ARHGAP39: variants seen among roughly 807,000 people sequenced by gnomAD.
ARHGAP39 encodes the protein rho GTPase-activating protein 39.
In ARHGAP39, 44 loss-of-function variants were observed where a neutral mutation model predicts 106.9. That is an observed-to-expected ratio of 0.41 (90% CI 0.32 to 0.53). The LOEUF (loss-of-function observed/expected upper bound fraction) is 0.53. Ranked by LOEUF, ARHGAP39 falls within the 20% of genes least tolerant of loss-of-function variation. The pLI, the probability that ARHGAP39 is intolerant of heterozygous loss-of-function variation, is 0.21. For synonymous variants in ARHGAP39, 768 were observed against 693.2 expected (o/e 1.11, Z -1.69); for missense variants, 1,496 against 1,577.3 (o/e 0.95, Z 0.87).
In ARHGAP39 at chr8:144,604,007, T is replaced by G. The variant is rs1820184735; in HGVS notation, c.80+1528A>C. Among the ~76,000 whole-genome samples, 1 of 152,120 alleles carries G rather than the reference T, an allele frequency of 6.6e-6. No individual in the cohort carries two copies. The highest frequency in any genetic ancestry group is 1.5e-5 in the Non-Finnish European group (1 of 68,008). On this transcript the variant is annotated intron_variant, in intron 2 of 11. Coordinates refer to ENST00000377307, the MANE Select transcript of ARHGAP39 (RefSeq NM_025251.3). The surrounding 1 kb of genome is among the most constrained non-coding windows in gnomAD (Gnocchi z 4.1). Reference sequence around the variant, plus strand: ...AACCCAACGGAGCTCACAGCCCACATCAGCGAACAAACGAATGAAGAACGA... The same window carrying G: ...AACCCAACGGAGCTCACAGCCCACAGCAGCGAACAAACGAATGAAGAACGA...
intron 2 of ARHGAP39, among the ~76,000 whole-genome samples, chr8:144,587,572 C>T (rs922155171): frequency 2.2e-4 from 34 of 151,608 alleles, no homozygotes; most frequent in Admixed American, 2.6e-4. Context: ...CAGCATGGGA[C>T]GGGGCCTGGG....
At chr8:144,561,550 C>T (rs1347536245) in intron 3 of ARHGAP39, among the ~76,000 whole-genome samples, 1 of 146,568 alleles carries the variant, frequency 6.8e-6, no homozygotes, top group Non-Finnish European at 1.6e-5. Flanking sequence ...CATCACACTC[C>T]AGTGGTTTCG....
At chr8:144,577,417 G>C (rs1017413551) in intron 3 of ARHGAP39, among the ~76,000 whole-genome samples, 1 of 152,146 alleles carries the variant, frequency 6.6e-6, no homozygotes, top group African/African-American at 2.4e-5. Context: ...AACACAAGGA[G>C]TATCAAGGAA....
rs185557838 is a variant in ARHGAP39, at chr8:144,549,466, T to C, written c.597-977A>G. 2.0e-5 allele frequency among the ~76,000 whole-genome samples: 3 copies of C among 152,334 alleles called. No individual in the cohort carries two copies. In the East Asian group the frequency reaches 5.8e-4, roughly 29 times the overall value. ...CTCTCTTCTCTTCTGGAAATCTAAT[T>C]GCAGTCTTTCTTACTGTACACCACG... On this transcript the variant is annotated intron_variant, in intron 4 of 11. Coordinates refer to ENST00000377307, the MANE Select transcript of ARHGAP39 (RefSeq NM_025251.3).
At chr8:144,615,959 C>T (rs1205834124) in intron 1 of ARHGAP39, among the ~76,000 whole-genome samples, 2 of 152,218 alleles carry the variant, frequency 1.3e-5, no homozygotes, top group African/African-American at 4.8e-5. Context: ...AGCCCATCAG[C>T]AAGCCATGGA....
In ARHGAP39 at chr8:144,534,123, C is replaced by T. The variant is rs1404493542; in HGVS notation, c.2688+6G>A. 6.2e-7 allele frequency: 1 copy of T among 1,612,688 alleles called. No individual in the cohort carries two copies. The highest frequency in any genetic ancestry group is 8.5e-7 in the Non-Finnish European group (1 of 1,179,660). Reference sequence around the variant, plus strand: ...GCCCTCCCCGGCCCCCCAGGCGCACCCGTACCTTCTTGGCCCCGGTCAGGG... The same window carrying T: ...GCCCTCCCCGGCCCCCCAGGCGCACTCGTACCTTCTTGGCCCCGGTCAGGG... On this transcript the variant is annotated splice_donor_region_variant and intron_variant, in intron 8 of 11. Coordinates refer to ENST00000377307, the MANE Select transcript of ARHGAP39 (RefSeq NM_025251.3).
intron 1 of ARHGAP39, among the ~76,000 whole-genome samples, chr8:144,662,760 C>T (rs924239954): frequency 2.0e-5 from 3 of 150,842 alleles, no homozygotes; most frequent in Non-Finnish European, 4.4e-5. Context: ...CCCTCCTCCC[C>T]ATTATCCACC....
intron 1 of ARHGAP39, among the ~76,000 whole-genome samples, chr8:144,674,060 T>C (rs146824879): frequency 4.1e-4 from 62 of 152,032 alleles, no homozygotes; most frequent in African/African-American, 1.3e-3. Context: ...GAGGAGACCC[T>C]AGGTCTGGGC....
At chr8:144,692,724 G>C in the ARHGAP39 span, among the ~76,000 whole-genome samples, 1 of 143,084 alleles carries the variant, frequency 7.0e-6, no homozygotes, top group South Asian at 2.3e-4. Flanking sequence ...ACTAGGAAGA[G>C]AAGAAAATGT....
rs1822083036 is a variant in ARHGAP39, at chr8:144,670,814, T to C, written c.-82+14872A>G. On this transcript the variant is annotated intron_variant, in intron 1 of 11. Coordinates refer to ENST00000377307, the MANE Select transcript of ARHGAP39 (RefSeq NM_025251.3). This position sits in a 1 kb window ranked among gnomAD's most constrained non-coding sequence, Gnocchi z 4.4. ...CGCAGCTGCCAACTGTGTGTATCTGTTTCCTGCACTAGACTCTGAGCTTCA... is the reference window on the plus strand; with the variant it reads ...CGCAGCTGCCAACTGTGTGTATCTGCTTCCTGCACTAGACTCTGAGCTTCA... Among the ~76,000 whole-genome samples, 1 of 152,148 alleles carries C rather than the reference T, an allele frequency of 6.6e-6. No individual in the cohort carries two copies. Among genetic ancestry groups the C allele is most frequent in the South Asian group, 2.1e-4 (1 of 4,824 alleles).
At position 144,547,730 on chromosome 8, in the gene ARHGAP39, C is replaced by A; in HGVS notation, c.1356G>T (p.Glu452Asp). The A allele has an allele frequency of 6.3e-7, 1 of 1,596,346 alleles. No homozygotes were observed. ...GVKSGDYSTMEGPELRHSQPP... is the reference protein window; with the variant it reads ...GVKSGDYSTMDGPELRHSQPP... ...GCTGGCTGTGCCGCAGCTCAGGTCC[C>A]TCCATGGTGCTGTAGTCTCCGGACT... Residue 452 changes from glutamate to aspartate, a missense_variant, in exon 5 of 12, where the codon GAG (glutamate) becomes GAT (aspartate). Glu to Asp is a conservative substitution (Grantham distance 45). Transcript: ENST00000377307. This position sits in a 1 kb window ranked among gnomAD's most constrained non-coding sequence, Gnocchi z 5.2.
chr8:144,568,237 G>C (rs1050910355), intron 3 of ARHGAP39, among the ~76,000 whole-genome samples: 1 of 148,578 alleles, frequency 6.7e-6, no homozygotes, highest in African/African-American at 2.5e-5. Flanking sequence ...GGGAGGCTAA[G>C]GCAGGAGAAT....
At chr8:144,580,602 T>A (rs1818934879) in intron 3 of ARHGAP39, among the ~76,000 whole-genome samples, 1 of 144,932 alleles carries the variant, frequency 6.9e-6, no homozygotes, top group Admixed American at 6.8e-5. Flanking sequence ...CTGCCCACCA[T>A]ACCTGACCTA....
At position 144,591,864 on chromosome 8, in the gene ARHGAP39, G is replaced by GAC. The variant is rs1819414088; in HGVS notation, c.81-10588_81-10587insGT. 1.3e-5 allele frequency among the ~76,000 whole-genome samples: 2 copies of GAC among 152,172 alleles called. No individual in the cohort carries two copies. The highest frequency in any genetic ancestry group is 2.9e-5 in the Non-Finnish European group (2 of 67,972). On this transcript the variant is annotated intron_variant, in intron 2 of 11. Transcript: ENST00000377307. The surrounding 1 kb of genome is among the most constrained non-coding windows in gnomAD (Gnocchi z 5.3). ...GCGGCTTCCCCTGGATGGCGGCGTC[G>GAC]CCTCGTCGCCTCGTGCCTGCGGGGA...
intron 2 of ARHGAP39, among the ~76,000 whole-genome samples, chr8:144,601,595 T>C (rs563091924): frequency 2.4e-3 from 333 of 137,598 alleles, no homozygotes; most frequent in Non-Finnish European, 4.0e-3. Context: ...GAGGTGTGTG[T>C]GCGAGCTCAT....
rs188678074 is a variant in ARHGAP39 at position 144,676,823 on chromosome 8, G to A, written c.-82+8863C>T. 6.9e-4 allele frequency among the ~76,000 whole-genome samples: 105 copies of A among 152,384 alleles called. 1 individual carries two copies. The highest frequency in any genetic ancestry group is 2.4e-3 in the African/African-American group (98 of 41,600). On this transcript the variant is annotated intron_variant, in intron 1 of 11. Transcript: ENST00000377307. ...AGCCCCAGAGAGAGGCCCCCACAGC[G>A]CAGCAGCTGGCTGAAGGGCTCCTCC...
At chr8:144,674,769 C>T (rs1453418136) in intron 1 of ARHGAP39, among the ~76,000 whole-genome samples, 1 of 152,194 alleles carries the variant, frequency 6.6e-6, no homozygotes, top group Non-Finnish European at 1.5e-5. Context: ...TGTGCTCGCT[C>T]GTCGGCACCC....
intron 1 of ARHGAP39, among the ~76,000 whole-genome samples, chr8:144,663,995 T>A (rs778777653): frequency 2.6e-5 from 4 of 152,062 alleles, no homozygotes; most frequent in Non-Finnish European, 5.9e-5. Context: ...GGTGAAAGCC[T>A]GTCGCTACGA....
In ARHGAP39 at chr8:144,679,837, G is replaced by A. The variant is rs923523287; in HGVS notation, c.-82+5849C>T. ...CTACTAAAAACACAAAAAATTAGCC[G>A]GGCATGGTGGTAGGCACCTGTAGTC... On this transcript the variant is annotated intron_variant, in intron 1 of 11. Transcript: ENST00000377307. The surrounding 1 kb of genome is among the most constrained non-coding windows in gnomAD (Gnocchi z 4.7). Among the ~76,000 whole-genome samples, 3 of 152,236 alleles carry A rather than the reference G, an allele frequency of 2.0e-5. No homozygotes were observed. Among genetic ancestry groups the A allele is most frequent in the South Asian group, 2.1e-4 (1 of 4,822 alleles).
Sources: gnomAD v4.1 joint callset for allele counts (sites outside exome capture counted in the v4.1 genomes callset) on GRCh38, gnomAD v4.1.1 for gene constraint, Gnocchi (gnomAD v3.1) non-coding constraint, MANE v1.5 for transcripts, NCBI Gene and HGNC (gene_info 2026-07-23, HGNC 2026-07-21) for gene names.